PCDHGB3: variants seen among roughly 807,000 people sequenced by gnomAD.
The protein encoded by PCDHGB3 is protocadherin gamma-B3.
A neutral mutation model predicts 59.2 loss-of-function variants in PCDHGB3; 40 were observed. The observed-to-expected ratio is 0.68, with a 90% CI of 0.52 to 0.88. The LOEUF is 0.88. Among genes scored for constraint, PCDHGB3 ranks in the 40% least tolerant of loss-of-function variants. The pLI is 0.00. For synonymous variants in PCDHGB3, 581 were observed against 503.6 expected (o/e 1.15, Z -2.06); for missense variants, 1,309 against 1,187.9 (o/e 1.10, Z -1.50).
At chr5:141,447,829 T>A (rs2098552664) in intron 1 of PCDHGB3, among the ~76,000 whole-genome samples, 1 of 152,214 alleles carries the variant, frequency 6.6e-6, no homozygotes. Context: ...CTCACGCCTG[T>A]AATCCCAGTG....
intron 3 of PCDHGB3, among the ~76,000 whole-genome samples, chr5:141,510,272 TAAAAAA>T (rs546154379): frequency 7.7e-6 from 1 of 130,390 alleles, no homozygotes; most frequent in Non-Finnish European, 1.6e-5. Context: ...GACTCCATCT[TAAAAAA>T]AAAAAAAAAA....
chr5:141,393,399 C>G, intron 1 of PCDHGB3: 1 of 1,614,028 alleles, frequency 6.2e-7, no homozygotes, highest in Non-Finnish European at 8.5e-7. Flanking sequence ...AGAGCTGGTG[C>G]TGGAGCGCGC....
At chr5:141,461,063 C>T (rs1472437531) in intron 1 of PCDHGB3, among the ~76,000 whole-genome samples, 1 of 151,796 alleles carries the variant, frequency 6.6e-6, no homozygotes, top group Non-Finnish European at 1.5e-5. Flanking sequence ...GTTGGTTTCA[C>T]ATTTTTGCAA....
At chr5:141,433,604 G>A (rs2097631609) in intron 1 of PCDHGB3, among the ~76,000 whole-genome samples, 1 of 152,138 alleles carries the variant, frequency 6.6e-6, no homozygotes, top group Non-Finnish European at 1.5e-5. Flanking sequence ...GGGAGGCCGA[G>A]GCGGGTGGAT....
At chr5:141,393,622 A>G (rs776047060) in intron 1 of PCDHGB3, 2 of 1,613,960 alleles carry the variant, frequency 1.2e-6, no homozygotes, top group Non-Finnish European at 1.7e-6. Flanking sequence ...AGCGACCCGG[A>G]TGAGGGAATC....
At chr5:141,488,385 G>A (rs917106670) in intron 1 of PCDHGB3, among the ~76,000 whole-genome samples, 11 of 152,164 alleles carry the variant, frequency 7.2e-5, no homozygotes, top group Non-Finnish European at 1.5e-5. Context: ...TCCTGAATTT[G>A]GTGAAACCAT....
At chr5:141,446,221 T>C (rs2098493855) in intron 1 of PCDHGB3, among the ~76,000 whole-genome samples, 1 of 152,164 alleles carries the variant, frequency 6.6e-6, no homozygotes, top group African/African-American at 2.4e-5. Flanking sequence ...AATATTGTTG[T>C]GTTGCCTGGC....
Position 141,491,324 on chromosome 5 carries a change from T to C in PCDHGB3, c.2416-3483T>C, listed in dbSNP as rs762200164. 16 of 1,614,060 alleles carry C rather than the reference T, an allele frequency of 9.9e-6. No homozygotes were observed. The highest frequency in any genetic ancestry group is 8.3e-5 in the Admixed American group (5 of 60,010). On this transcript the variant is annotated intron_variant, in intron 1 of 3. Transcript: ENST00000576222. This position sits in a 1 kb window ranked among gnomAD's most constrained non-coding sequence, Gnocchi z 6.9. ...CGTTCAGACCTTACCCTTTACCTCA[T>C]TGTGGCTCTAGCGACCGTCAGTCTC...
At chr5:141,405,931 C>CT (rs1439525242) in intron 1 of PCDHGB3, among the ~76,000 whole-genome samples, 2 of 152,062 alleles carry the variant, frequency 1.3e-5, no homozygotes, top group Non-Finnish European at 2.9e-5. Context: ...GCTGATATAA[C>CT]TTTCATGTTC....
At position 141,393,141 on chromosome 5, in the gene PCDHGB3, G is replaced by A. The variant is rs371909748; in HGVS notation, c.2415+20332G>A. 20 of 1,613,182 alleles carry A rather than the reference G, an allele frequency of 1.2e-5. No homozygotes were observed. The African/African-American group carries it at 2.4e-4, about 19-fold the overall frequency. On this transcript the variant is annotated intron_variant, in intron 1 of 3. Coordinates refer to ENST00000576222, the MANE Select transcript of PCDHGB3 (RefSeq NM_018924.5). Reference sequence around the variant, plus strand: ...GTGTCTGATAAATATTAACACCCTGGTTGAGGATAAAGGAAAACTCTTTGG... The same window carrying A: ...GTGTCTGATAAATATTAACACCCTGATTGAGGATAAAGGAAAACTCTTTGG...
At chr5:141,509,334 G>A (rs1184232270) in intron 3 of PCDHGB3, among the ~76,000 whole-genome samples, 1 of 152,186 alleles carries the variant, frequency 6.6e-6, no homozygotes, top group Non-Finnish European at 1.5e-5. Flanking sequence ...ACTGCCAGCT[G>A]GGCCTGGGCT....
intron 1 of PCDHGB3, chr5:141,441,249 TA>T (rs981387539): frequency 6.6e-6 from 1 of 152,206 alleles, no homozygotes; most frequent in Non-Finnish European, 1.5e-5. Context: ...ACAAGATCTT[TA>T]AATCACAAGA....
chr5:141,375,914 G>A, intron 1 of PCDHGB3: 1 of 1,613,738 alleles, frequency 6.2e-7, no homozygotes, highest in Non-Finnish European at 8.5e-7. Context: ...CCTGCTCAAG[G>A]CCAGCGAGCC....
At chr5:141,386,808 A>C (rs1477071186) in intron 1 of PCDHGB3, among the ~76,000 whole-genome samples, 1 of 152,258 alleles carries the variant, frequency 6.6e-6, no homozygotes, top group Non-Finnish European at 1.5e-5. Flanking sequence ...TATTAGATGC[A>C]TAAAATTGTT....
chr5:141,445,305 T>C (rs899306819), intron 1 of PCDHGB3, among the ~76,000 whole-genome samples: 2 of 152,204 alleles, frequency 1.3e-5, no homozygotes, highest in Non-Finnish European at 1.5e-5. Context: ...TCTCTTCAGT[T>C]TGTAGGTTGA....
chr5:141,372,398 G>A lies in PCDHGB3; in HGVS notation c.2004G>A (p.Leu668=), dbSNP rs772578154. The stretch of plus-strand genomic sequence containing the variant: ...TGCACCTAATCTTCGCAGATAGCTT[G>A]CAAGAGATACAACCTGACCTTAGCG... The part of the protein sequence containing the change: ...VMLHLIFADS[L]QEIQPDLSDR... The change falls in exon 1 of 4, where the codon TTG becomes TTA. Residue 668 remains leucine, a synonymous_variant. Transcript: ENST00000576222. 22 of 1,614,058 alleles carry A rather than the reference G, an allele frequency of 1.4e-5. No individual in the cohort carries two copies. The East Asian group carries it at 4.9e-4, about 36-fold the overall frequency.
intron 3 of PCDHGB3, among the ~76,000 whole-genome samples, chr5:141,509,065 T>A (rs1294546432): frequency 6.6e-6 from 1 of 152,018 alleles, no homozygotes; most frequent in Non-Finnish European, 1.5e-5. Context: ...AGCTCTCAGC[T>A]CCGGGGATTT....
chr5:141,510,895 CTGT>C, intron 3 of PCDHGB3, 49 bp from the exon 4 acceptor site: 1 of 1,612,988 alleles, frequency 6.2e-7, no homozygotes, highest in Non-Finnish European at 8.5e-7. Flanking sequence ...AAGACAGTGA[CTGT>C]TGAGGACCCT....
intron 1 of PCDHGB3, chr5:141,412,918 G>T: frequency 2.4e-6 from 1 of 414,220 alleles, no homozygotes; most frequent in Non-Finnish European, 4.2e-6. Flanking sequence ...TATCACTTGG[G>T]TGCAGTAACT....
Sources: gnomAD v4.1 joint callset for allele counts (sites outside exome capture counted in the v4.1 genomes callset) on GRCh38, gnomAD v4.1.1 for gene constraint, Gnocchi (gnomAD v3.1) non-coding constraint, MANE v1.5 for transcripts, NCBI Gene and HGNC (gene_info 2026-07-23, HGNC 2026-07-21) for gene names.